CNTNAP2: variants seen among roughly 807,000 people sequenced by gnomAD.
CNTNAP2 encodes contactin-associated protein-like 2.
A neutral mutation model predicts 155.2 loss-of-function variants in CNTNAP2; 98 were observed. The observed-to-expected ratio is 0.63, with a 90% confidence interval of 0.54 to 0.75. The LOEUF is 0.75. Ranked by LOEUF, CNTNAP2 falls within the 30% of genes least tolerant of loss-of-function variation. The pLI is 0.00. For missense variants in CNTNAP2, 1,727 were observed against 1,688.1 expected (o/e 1.02, Z -0.40); for synonymous variants, 651 against 631.2 (o/e 1.03, Z -0.47).
chr7:146,851,236 C>T (rs1054462947), intron 3 of CNTNAP2, among the ~76,000 whole-genome samples: 4 of 152,078 alleles, frequency 2.6e-5, no homozygotes, highest in East Asian at 1.9e-4. Flanking sequence ...TCACTAGCCT[C>T]GGCCTCCCAG....
intron 8 of CNTNAP2, among the ~76,000 whole-genome samples, chr7:147,298,506 G>A (rs148940835): frequency 1.9e-4 from 29 of 152,250 alleles, no homozygotes; most frequent in African/African-American, 6.7e-4. Flanking sequence ...CCTGAGGGGT[G>A]ATTATGTGTA....
At chr7:147,800,990 T>C (rs1301616655) in intron 13 of CNTNAP2, among the ~76,000 whole-genome samples, 2 of 152,208 alleles carry the variant, frequency 1.3e-5, no homozygotes, top group Admixed American at 1.3e-4. Context: ...GTAAGTATGC[T>C]CTATGATGGT....
chr7:147,479,042 G>T (rs1010022336), intron 10 of CNTNAP2, among the ~76,000 whole-genome samples: 30 of 152,180 alleles, frequency 2.0e-4, no homozygotes, highest in African/African-American at 6.5e-4. Flanking sequence ...ACAACTGTCT[G>T]CTGTGATCCT....
At chr7:146,265,782 A>G (rs1799985474) in intron 1 of CNTNAP2, among the ~76,000 whole-genome samples, 1 of 152,176 alleles carries the variant, frequency 6.6e-6, no homozygotes, top group Non-Finnish European at 1.5e-5. Context: ...CAAATGTAGA[A>G]TACTGAATTC....
chr7:147,022,777 C>T (rs2129247144), intron 3 of CNTNAP2, among the ~76,000 whole-genome samples: 1 of 152,054 alleles, frequency 6.6e-6, no homozygotes, highest in South Asian at 2.1e-4. Context: ...GTGGAATTTG[C>T]CAAAGTATTT....
intron 10 of CNTNAP2, among the ~76,000 whole-genome samples, chr7:147,404,117 C>A (rs950050310): frequency 6.6e-6 from 1 of 152,166 alleles, no homozygotes; most frequent in Non-Finnish European, 1.5e-5. Flanking sequence ...AAATACCTTA[C>A]TTTCATTCAT....
intron 4 of CNTNAP2, among the ~76,000 whole-genome samples, chr7:147,079,589 T>TATAATA (rs905700592): frequency 6.7e-6 from 1 of 149,002 alleles, no homozygotes; most frequent in East Asian, 2.0e-4. Context: ...AAACTTAAAG[T>TATAATA]ATAATAATAA....
intron 3 of CNTNAP2, among the ~76,000 whole-genome samples, chr7:147,000,993 A>G (rs1798411459): frequency 6.6e-6 from 1 of 152,068 alleles, no homozygotes; most frequent in Non-Finnish European, 1.5e-5. Flanking sequence ...GGTCTACCTA[A>G]TGCTGGTTTT....
intron 1 of CNTNAP2, among the ~76,000 whole-genome samples, chr7:146,638,476 CTT>C: frequency 1.6e-5 from 1 of 64,364 alleles, no homozygotes; most frequent in East Asian, 5.3e-4. Context: ...TCAGGTGTTT[CTT>C]TTTTTTTTTT....
At chr7:147,126,870 G>A (rs763710515) in intron 6 of CNTNAP2, among the ~76,000 whole-genome samples, 10 of 152,158 alleles carry the variant, frequency 6.6e-5, no homozygotes, top group East Asian at 1.9e-4. Context: ...TAAATTGTTC[G>A]GATCTGTTAA....
chr7:146,117,867 A>G (rs1279083805), intron 1 of CNTNAP2, among the ~76,000 whole-genome samples: 1 of 152,206 alleles, frequency 6.6e-6, no homozygotes, highest in Non-Finnish European at 1.5e-5. Flanking sequence ...AACACTAGAA[A>G]GACTGCCTAT....
intron 19 of CNTNAP2, among the ~76,000 whole-genome samples, chr7:148,225,421 AC>A (rs1204774002): frequency 1.3e-5 from 2 of 152,164 alleles, no homozygotes; most frequent in Non-Finnish European, 2.9e-5. Flanking sequence ...AGAACCGGTG[AC>A]TGCAAAGGCC....
intron 4 of CNTNAP2, among the ~76,000 whole-genome samples, chr7:147,062,090 T>A (rs1226813436): frequency 1.7e-5 from 2 of 116,814 alleles, no homozygotes; most frequent in Non-Finnish European, 3.2e-5. Flanking sequence ...ATCGCACCAC[T>A]GCACTCCAGC....
chr7:147,053,190 C>T (rs1354399763), intron 4 of CNTNAP2, among the ~76,000 whole-genome samples: 1 of 151,958 alleles, frequency 6.6e-6, no homozygotes, highest in Non-Finnish European at 1.5e-5. Context: ...CAGGGGTTGG[C>T]TAAGGTAGAT....
chr7:148,257,410 C>A (rs556887014), intron 20 of CNTNAP2, among the ~76,000 whole-genome samples: 2 of 152,316 alleles, frequency 1.3e-5, no homozygotes, highest in Admixed American at 1.3e-4. Flanking sequence ...GAGAGTGTTT[C>A]TTGGCCTCTT....
intron 1 of CNTNAP2, among the ~76,000 whole-genome samples, chr7:146,408,288 CT>C (rs371056804): frequency 9.3e-4 from 142 of 152,188 alleles, no homozygotes; most frequent in African/African-American, 3.3e-3. Context: ...AAAAATAGGA[CT>C]TTTTTTCCTT....
At chr7:148,263,685 C>T (rs1269694150) in intron 20 of CNTNAP2, among the ~76,000 whole-genome samples, 1 of 149,094 alleles carries the variant, frequency 6.7e-6, no homozygotes, top group South Asian at 2.1e-4. Context: ...TGCAGTGAAC[C>T]GAGATGGTGC....
At position 146,796,931 on chromosome 7, in the gene CNTNAP2, T is replaced by C. The variant is rs1018897188; in HGVS notation, c.208+22550T>C. 8.6e-5 allele frequency among the ~76,000 whole-genome samples: 13 copies of C among 152,008 alleles called. No individual in the cohort carries two copies. The East Asian group carries it at 2.5e-3, about 30-fold the overall frequency. On this transcript the variant is annotated intron_variant, in intron 2 of 23. Coordinates refer to ENST00000361727, the MANE Select transcript of CNTNAP2 (RefSeq NM_014141.6). ...GCAGGCAGATCACGAGGTCAGGAGA[T>C]CGAGACCATTCTGTCTAAGACCGTG...
intron 12 of CNTNAP2, among the ~76,000 whole-genome samples, chr7:147,589,643 C>T (rs1375244723): frequency 1.3e-5 from 2 of 152,026 alleles, no homozygotes; most frequent in Non-Finnish European, 2.9e-5. Flanking sequence ...AAGACTCATC[C>T]ATATTGTTGT....
Sources: gnomAD v4.1 joint callset for allele counts (sites outside exome capture counted in the v4.1 genomes callset) on GRCh38, gnomAD v4.1.1 for gene constraint, MANE v1.5 for transcripts, NCBI Gene and HGNC (gene_info 2026-07-23, HGNC 2026-07-21) for gene names.